The following SLC7A4 variants were observed in gnomAD, a reference collection of about 807,000 sequenced individuals.
SLC7A4 encodes the protein solute carrier family 7 member 4.
Under a neutral mutation model 37.8 loss-of-function variants are expected in SLC7A4, and 30 were observed. The observed-to-expected ratio is 0.79, with a 90% CI of 0.59 to 1.08. The LOEUF (loss-of-function observed/expected upper bound fraction) is 1.08. Ranked by LOEUF, SLC7A4 falls within the 50% of genes least tolerant of loss-of-function variation. The pLI, the probability that SLC7A4 is intolerant of heterozygous loss-of-function variation, is 0.00. For missense variants in SLC7A4, 839 were observed against 843.2 expected, an observed-to-expected ratio of 1.00 and a Z score of 0.06; for synonymous variants, 359 against 376.5, an observed-to-expected ratio of 0.95 and a Z score of 0.54.
chr22:21,032,331 A>G (rs890325710), intron 1 of SLC7A4, among the ~76,000 whole-genome samples, 200 bp downstream of exon 1: 1 of 152,118 alleles, frequency 6.6e-6, no homozygotes, highest in East Asian at 1.9e-4. Flanking sequence ...CCGCCCCTGC[A>G]CCCGTGGCCA....
rs201735928 is a variant in SLC7A4 at position 21,030,341 on chromosome 22, G to A, written c.993C>T (p.Thr331=). Residue 331 remains threonine (T), a synonymous_variant, in exon 3 of 5, where the codon ACC becomes ACT. Transcript: ENST00000382932. The stretch of plus-strand genomic sequence containing the variant: ...GGGAGAAGAGGAGGCTGAGCAGGAC[G>A]GTGTTCATGGCTGTAGCAGAGAGAG... ...VAAGSICAMN[T]VLLSLLFSLP... is the part of the protein sequence containing the mutation. The A allele has an allele frequency of 1.4e-5, 23 of 1,604,752 alleles. No individual in the cohort carries two copies. The highest frequency in any genetic ancestry group is 1.3e-4 in the African/African-American group (10 of 74,870).
rs374754658 is a variant in SLC7A4, at chr22:21,029,746, C to A, written c.1588G>T (p.Ala530Ser). 33 of 1,612,608 alleles carry A rather than the reference C, an allele frequency of 2.0e-5. No homozygotes were observed. Among genetic ancestry groups the A allele is most frequent in the Non-Finnish European group, 2.7e-5 (32 of 1,179,778 alleles). Residue 530 changes from alanine to serine, a missense_variant, in exon 3 of 5, where the codon GCT becomes TCT. By Grantham distance (99) the Ala-to-Ser change is moderately conservative. Coordinates refer to ENST00000382932, the MANE Select transcript of SLC7A4 (RefSeq NM_004173.3). ...MFLLSLLVLG[A>S]HQQQYREDLF... The stretch of plus-strand genomic sequence containing the variant: ...TCTTCCCGATACTGTTGCTGGTGAG[C>A]CCCCAGGACAAGGAGGCTGAGCAGA...
chr22:21,032,497 A>C (rs867792620), intron 1 of SLC7A4, 34 bp downstream of exon 1: 1 of 152,498 alleles, frequency 6.6e-6, no homozygotes, highest in African/African-American at 2.4e-5. Context: ...AGCCCGTCCC[A>C]GTCCCCGTCC....
Position 21,031,862 on chromosome 22 carries a change from C to A in SLC7A4, c.-40-10G>T, listed in dbSNP as rs1198573406. 2.8e-6 allele frequency: 4 copies of A among 1,448,560 alleles called. No homozygotes were observed. Among genetic ancestry groups the A allele is most frequent in the Non-Finnish European group, 3.6e-6 (4 of 1,105,856 alleles). The allele number at this position is 1,448,560 out of a possible 1,614,324, so 89.7% of individuals were successfully genotyped here. ...AGCCAGCTACTGGAACCTGCTAGGGCCAGAGGGGAATGACAGGATGCGTAG... is the reference window on the plus strand; with the variant it reads ...AGCCAGCTACTGGAACCTGCTAGGGACAGAGGGGAATGACAGGATGCGTAG... On this transcript the variant is annotated splice_polypyrimidine_tract_variant and intron_variant, in intron 1 of 4. Coordinates refer to ENST00000382932, the MANE Select transcript of SLC7A4 (RefSeq NM_004173.3).
Position 21,031,348 on chromosome 22 carries a change from G to C in SLC7A4, c.465C>G (p.Thr155=), listed in dbSNP as rs1407310829. 1 of 1,611,388 alleles carries C rather than the reference G, an allele frequency of 6.2e-7. No homozygotes were observed. Among genetic ancestry groups the C allele is most frequent in the Non-Finnish European group, 8.5e-7 (1 of 1,179,088 alleles). ...GGGGCACCTGCCAAGAACCCACGTG[G>C]GTCTCAGTGAAGTTGCGGATGCTGT... ...FSHSIRNFTE[T]HVGSWQVPLL... is the part of the protein sequence containing the mutation. Residue 155 remains threonine (T), a synonymous_variant, in exon 2 of 5, where the codon ACC becomes ACG. Transcript: ENST00000382932.
chr22:21,031,753 G>A lies in SLC7A4; in HGVS notation c.60C>T (p.Arg20=), dbSNP rs2148116528. 6.3e-7 allele frequency: 1 copy of A among 1,582,066 alleles called. No homozygotes were observed. The highest frequency in any genetic ancestry group is 2.3e-5 in the East Asian group (1 of 44,244). The part of the protein sequence containing the change: ...SLARLCQKLN[R]LKPLEDSTME... ...TGGTGGAGTCCTCCAGCGGCTTCAG[G>A]CGGTTCAGCTTCTGGCATAAGCGTG... Residue 20 remains arginine, a synonymous_variant, in exon 2 of 5, where the codon CGC becomes CGT. Coordinates refer to ENST00000382932, the MANE Select transcript of SLC7A4 (RefSeq NM_004173.3).
chr22:21,029,496 C>A, intron 3 of SLC7A4, 52 bp from the exon 4 acceptor site: 1 of 1,404,760 alleles, frequency 7.1e-7, no homozygotes. Flanking sequence ...GAAAGATCTG[C>A]CAGCCCAGGG....
Position 21,031,860 on chromosome 22 carries a change from G to A in SLC7A4, c.-40-8C>T, listed in dbSNP as rs749902622. On this transcript the variant is annotated splice_polypyrimidine_tract_variant and splice_region_variant and intron_variant, in intron 1 of 4. Transcript: ENST00000382932. The stretch of plus-strand genomic sequence containing the variant: ...CGAGCCAGCTACTGGAACCTGCTAG[G>A]GCCAGAGGGGAATGACAGGATGCGT... 2.1e-6 allele frequency: 3 copies of A among 1,450,178 alleles called. No individual in the cohort carries two copies. Among genetic ancestry groups the A allele is most frequent in the Non-Finnish European group, 2.7e-6 (3 of 1,106,796 alleles). The allele number at this position is 1,450,178 out of a possible 1,614,324, so 89.8% of individuals were successfully genotyped here. A position where few individuals can be genotyped will look rare whatever the true frequency, so the allele number is the denominator to read the frequency against.
rs773320175 is a variant in SLC7A4 at position 21,030,209 on chromosome 22, C to A, written c.1125G>T (p.Gly375=). 1 of 1,613,688 alleles carries A rather than the reference C, an allele frequency of 6.2e-7. No individual in the cohort carries two copies. The highest frequency in any genetic ancestry group is 1.7e-5 in the Admixed American group (1 of 60,016). ...GCAGTGCCAGGAAGGCCGTGAGGAG[C>A]CCGAACGCCAGGGTGCCCGCCACAG... The part of the protein sequence containing the change: ...QVPVAGTLAF[G]LLTAFLALLL... Residue 375 remains glycine (G), a synonymous_variant, in exon 3 of 5, where the codon GGG becomes GGT. Coordinates refer to ENST00000382932, the MANE Select transcript of SLC7A4 (RefSeq NM_004173.3).
In SLC7A4 at chr22:21,029,169, T is replaced by C. The variant is rs960967910; in HGVS notation, c.1794A>G (p.Pro598=). The C allele has an allele frequency of 1.9e-6, 3 of 1,614,056 alleles. No individual in the cohort carries two copies. The highest frequency in any genetic ancestry group is 2.5e-6 in the Non-Finnish European group (3 of 1,180,016). The change falls in exon 5 of 5, where the codon CCA becomes CCG. Residue 598 remains proline, a synonymous_variant. Coordinates refer to ENST00000382932, the MANE Select transcript of SLC7A4 (RefSeq NM_004173.3). ...RHSKENQREL[P]GLNSTHYVVF... is the part of the protein sequence containing the mutation. Reference sequence around the variant, plus strand: ...CCACGTAGTGTGTGGAGTTCAGCCCTGGCAGCTCCCGCTGGTTCTCCTTGC... The same window carrying C: ...CCACGTAGTGTGTGGAGTTCAGCCCCGGCAGCTCCCGCTGGTTCTCCTTGC...
Position 21,029,651 on chromosome 22 carries a change from G to A in SLC7A4, c.1623+60C>T, listed in dbSNP as rs549174128. The A allele has an allele frequency of 1.6e-5, 24 of 1,533,332 alleles. No homozygotes were observed. In the Middle Eastern group the frequency reaches 5.2e-4, roughly 33 times the overall value. 95.0% of individuals were successfully genotyped at this position (1,533,332 alleles called of 1,614,324 possible). ...GACTTGTTCATTCTGGGATGGTAGT[G>A]GGGGAAGGGGAGGCAGCTGCCTGGG... On this transcript the variant is annotated intron_variant, in intron 3 of 4. Transcript: ENST00000382932.
rs369802595 is a variant in SLC7A4, at chr22:21,031,429, G to A, written c.384C>T (p.Ile128=). The change falls in exon 2 of 5, where the codon ATC becomes ATT. Residue 128 remains isoleucine (I), a synonymous_variant. Coordinates refer to ENST00000382932, the MANE Select transcript of SLC7A4 (RefSeq NM_004173.3). ...AGGCACGGGCCACGGCGGCGCCACCGATGATGTATTCGAGGAGAACATTCC... is the reference window on the plus strand; with the variant it reads ...AGGCACGGGCCACGGCGGCGCCACCAATGATGTATTCGAGGAGAACATTCC... The part of the protein sequence containing the change: ...IGWNVLLEYI[I]GGAAVARAWS... 41 of 1,601,300 alleles carry A rather than the reference G, an allele frequency of 2.6e-5. No individual in the cohort carries two copies. Among genetic ancestry groups the A allele is most frequent in the Admixed American group, 1.9e-4 (11 of 58,580 alleles).
rs756601610 is a variant in SLC7A4 at position 21,029,348 on chromosome 22, A to C, written c.1720T>G (p.Trp574Gly). ...SYLTWVRFSI[W>G]LLMGLAVYFG... ...GGCCCCCACTCACCCATCAGCAGCC[A>C]GATGGAGAAGCGCACCCAGGTCAGA... The change falls in exon 4 of 5, where the codon TGG (tryptophan) becomes GGG (glycine). Residue 574 changes from tryptophan to glycine, a missense_variant. Physicochemically the swap from Trp to Gly is radical, Grantham distance 184 (BLOSUM62 -2). Transcript: ENST00000382932. The C allele has an allele frequency of 1.4e-5, 23 of 1,612,972 alleles. No homozygotes were observed. The highest frequency in any genetic ancestry group is 1.9e-5 in the Non-Finnish European group (22 of 1,179,184).
chr22:21,031,674 C>T lies in SLC7A4; in HGVS notation c.139G>A (p.Val47Met), dbSNP rs777159012. 8.1e-6 allele frequency: 13 copies of T among 1,613,368 alleles called. No homozygotes were observed. The highest frequency in any genetic ancestry group is 2.7e-5 in the African/African-American group (2 of 74,932). Residue 47 changes from valine (V) to methionine (M), a missense_variant, in exon 2 of 5, where the codon GTG (valine) becomes ATG (methionine). Coordinates refer to ENST00000382932, the MANE Select transcript of SLC7A4 (RefSeq NM_004173.3). ...AGACCCGAGCCCACCATGCCACCCACGCCCAGAAGAGTCAGGTCCAGCGTG... is the reference window on the plus strand; with the variant it reads ...AGACCCGAGCCCACCATGCCACCCATGCCCAGAAGAGTCAGGTCCAGCGTG... ...LSTLDLTLLG[V>M]GGMVGSGLYV...
Position 21,031,305 on chromosome 22 carries a change from C to G in SLC7A4, c.508G>C (p.Asp170His), listed in dbSNP as rs1928875382. 2 of 1,609,640 alleles carry G rather than the reference C, an allele frequency of 1.2e-6. No individual in the cohort carries two copies. Among genetic ancestry groups the G allele is most frequent in the African/African-American group, 2.7e-5 (2 of 74,860 alleles). ...AGGATGATGCCAGCAGCCAGGAAGT[C>G]CGGGTAGTGGCCCAGGAGGGGCACC... ...WQVPLLGHYP[D>H]FLAAGIILLA... The change falls in exon 2 of 5, where the codon GAC becomes CAC. Residue 170 changes from aspartate (D) to histidine (H), a missense_variant. Physicochemically the swap from Asp to His is moderately conservative, Grantham distance 81. Transcript: ENST00000382932.
chr22:21,031,816 A>G lies in SLC7A4; in HGVS notation c.-4T>C, dbSNP rs1022547659. 4.7e-6 allele frequency: 7 copies of G among 1,486,224 alleles called. No homozygotes were observed. The highest frequency in any genetic ancestry group is 6.2e-6 in the Non-Finnish European group (7 of 1,123,722). The allele number at this position is 1,486,224 out of a possible 1,614,324, so 92.1% of individuals were successfully genotyped here. A position where few individuals can be genotyped will look rare whatever the true frequency, so the allele number is the denominator to read the frequency against. On this transcript the variant is annotated 5_prime_UTR_variant, in exon 2 of 5. Transcript: ENST00000382932. ...TGGTGGGCAGCCCCCGGGCCATGGC[A>G]GGTGGCCGAGAAGAGCACCGAGCCA...
chr22:21,030,413 G>C (rs1234691472), intron 2 of SLC7A4, 62 bp from the exon 3 acceptor site: 2 of 1,525,638 alleles, frequency 1.3e-6, no homozygotes, highest in Non-Finnish European at 1.8e-6. Context: ...GCCTCTGCTG[G>C]GGGTCGGTGC....
rs374254232 is a variant in SLC7A4 at position 21,030,931 on chromosome 22, C to A, written c.882G>T (p.Val294=). 51 of 1,614,012 alleles carry A rather than the reference C, an allele frequency of 3.2e-5. No homozygotes were observed. Among genetic ancestry groups the A allele is most frequent in the Non-Finnish European group, 4.2e-5 (49 of 1,179,982 alleles). The change falls in exon 2 of 5, where the codon GTG becomes GTT. Residue 294 remains valine, a synonymous_variant. Coordinates refer to ENST00000382932, the MANE Select transcript of SLC7A4 (RefSeq NM_004173.3). ...ILVSTVLTLM[V]PWHSLDPDSA... Reference sequence around the variant, plus strand: ...AGTCGGGGTCCAGGCTGTGCCAGGGCACCATGAGGGTTAGCACGGTGGAGA... The same window carrying A: ...AGTCGGGGTCCAGGCTGTGCCAGGGAACCATGAGGGTTAGCACGGTGGAGA...
Position 21,029,328 on chromosome 22 carries a change from C to T in SLC7A4, c.1732+8G>A, listed in dbSNP as rs1386475924. ...CCTGACCCCGGTCCCAGCCTGGCCC[C>T]CACTCACCCATCAGCAGCCAGATGG... On this transcript the variant is annotated splice_region_variant and intron_variant, in intron 4 of 4. Transcript: ENST00000382932. 4 of 1,613,002 alleles carry T rather than the reference C, an allele frequency of 2.5e-6. No individual in the cohort carries two copies. Among genetic ancestry groups the T allele is most frequent in the Non-Finnish European group, 3.4e-6 (4 of 1,179,266 alleles).
Sources: gnomAD v4.1 joint callset for allele counts (sites outside exome capture counted in the v4.1 genomes callset) on GRCh38, gnomAD v4.1.1 for gene constraint, MANE v1.5 for transcripts, NCBI Gene and HGNC (gene_info 2026-07-23, HGNC 2026-07-21) for gene names.